KHDC4: variants seen among roughly 807,000 people sequenced by gnomAD.
KHDC4 encodes the protein KH homology domain-containing protein 4.
KHDC4 carries 19 observed loss-of-function variants against 74.5 expected under a neutral mutation model. That is an observed-to-expected ratio of 0.26 (90% CI 0.18 to 0.37). The LOEUF is 0.37. Among genes scored for constraint, KHDC4 ranks in the 10% least tolerant of loss-of-function variants. The pLI is 1.00. For missense variants in KHDC4, 632 were observed against 754.1 expected (o/e 0.84, Z 1.90); for synonymous variants, 253 against 266.1 (o/e 0.95, Z 0.48).
intron 10 of KHDC4, among the ~76,000 whole-genome samples, chr1:155,920,838 C>G (rs1235348456): frequency 6.6e-6 from 1 of 152,132 alleles, no homozygotes; most frequent in African/African-American, 2.4e-5. Flanking sequence ...TAACTCAGTT[C>G]CAATTACTGA....
chr1:155,918,101 C>T (rs1300514165), intron 10 of KHDC4, among the ~76,000 whole-genome samples: 2 of 152,200 alleles, frequency 1.3e-5, no homozygotes, highest in East Asian at 3.9e-4. Flanking sequence ...AAGATTAAGT[C>T]TAATGTTTGA....
Position 155,917,533 on chromosome 1 carries a change from G to A in KHDC4, c.1406C>T (p.Pro469Leu). The A allele has an allele frequency of 6.2e-7, 1 of 1,613,342 alleles. No homozygotes were observed. The highest frequency in any genetic ancestry group is 1.1e-5 in the South Asian group (1 of 91,026). The change falls in exon 11 of 14, where the codon CCA (proline) becomes CTA (leucine). Residue 469 changes from proline to leucine, a missense_variant. Physicochemically the swap from Pro to Leu is moderately conservative, Grantham distance 98. Transcript: ENST00000368321. ...AQKRRFTEEL[P>L]DERESGLLGY... ...AAGCAGTCCAGATTCCCGTTCATCT[G>A]GTAGCTCCTCTGTGAATCGTCTCTT...
intron 8 of KHDC4, among the ~76,000 whole-genome samples, chr1:155,922,584 G>A (rs551451941): frequency 6.6e-6 from 1 of 152,242 alleles, no homozygotes; most frequent in South Asian, 2.1e-4. Flanking sequence ...TAAGTAACTA[G>A]GAAATTTCCA....
intron 7 of KHDC4, among the ~76,000 whole-genome samples, chr1:155,925,426 AG>A (rs1673967988): frequency 6.6e-6 from 1 of 151,934 alleles, no homozygotes; most frequent in Admixed American, 6.6e-5. Context: ...CTTGGCCTCC[AG>A]AAGTGTTGGG....
intron 4 of KHDC4, among the ~76,000 whole-genome samples, chr1:155,927,878 T>G (rs1200199670): frequency 1.1e-5 from 1 of 91,552 alleles, no homozygotes; most frequent in Non-Finnish European, 2.0e-5. Context: ...ACACACAAAA[T>G]TAATGGGGAA....
At chr1:155,927,057 C>A in intron 5 of KHDC4, 47 bp downstream of exon 5, 1 of 1,564,730 alleles carries the variant, frequency 6.4e-7, no homozygotes, top group Non-Finnish European at 8.8e-7. Flanking sequence ...GAGCCCTGTA[C>A]TTTGCTCTTC....
chr1:155,913,151 G>A lies in KHDC4; in HGVS notation c.*970C>T, dbSNP rs1365861469. On this transcript the variant is annotated 3_prime_UTR_variant, in exon 14 of 14. Transcript: ENST00000368321. ...AAGCCAGCCTGCAAAGTATTCAAAT[G>A]TGCAAAAATGACAGTTCAATATCTC... 1 of 152,740 alleles carries A rather than the reference G, an allele frequency of 6.5e-6. No individual in the cohort carries two copies. Among genetic ancestry groups the A allele is most frequent in the Admixed American group, 6.5e-5 (1 of 15,278 alleles). 9.5% of individuals were successfully genotyped at this position (152,740 alleles called of 1,614,324 possible).
Position 155,914,495 on chromosome 1 carries a change from C to T in KHDC4, c.1646-175G>A, listed in dbSNP as rs1673690165. The stretch of plus-strand genomic sequence containing the variant: ...GTTGAAGATCACACGAAAAACAGCA[C>T]CAGCATCAGCAAATGTGAATCCACC... On this transcript the variant is annotated intron_variant, in intron 13 of 13. Coordinates refer to ENST00000368321, the MANE Select transcript of KHDC4 (RefSeq NM_014949.4). 5.1e-6 allele frequency: 3 copies of T among 586,640 alleles called. No homozygotes were observed. The Admixed American group carries it at 9.3e-5, about 18-fold the overall frequency. The allele number at this position is 586,640 out of a possible 1,614,324, so 36.3% of individuals were successfully genotyped here.
chr1:155,934,006 T>C (rs760605266), intron 1 of KHDC4, among the ~76,000 whole-genome samples, 157 bp from the exon 2 acceptor site: 2 of 152,194 alleles, frequency 1.3e-5, no homozygotes, highest in South Asian at 2.1e-4. Flanking sequence ...TAAACAATTA[T>C]TGCTTATTTA....
intron 6 of KHDC4, 54 bp downstream of exon 6, chr1:155,926,622 A>G (rs758271454): frequency 1.5e-5 from 24 of 1,571,922 alleles, no homozygotes; most frequent in African/African-American, 2.7e-5. Context: ...TGGCCAGCAC[A>G]TATCATTTTT....
chr1:155,916,030 T>G (rs1572003740), intron 12 of KHDC4, 66 bp from the exon 13 acceptor site: 2 of 977,990 alleles, frequency 2.0e-6, no homozygotes, highest in South Asian at 2.9e-5. Context: ...TCCAGTGGAT[T>G]AGAAGTGCAA....
At position 155,934,323 on chromosome 1, in the gene KHDC4, C is replaced by A; in HGVS notation, c.38+13G>T. ...CAGTGCTCGCTCCGATGCCCTCGCC[C>A]CTGAAGCCGTACCCGCCAGCTCCAG... On this transcript the variant is annotated intron_variant, in intron 1 of 13. Coordinates refer to ENST00000368321, the MANE Select transcript of KHDC4 (RefSeq NM_014949.4). 1 of 1,608,420 alleles carries A rather than the reference C, an allele frequency of 6.2e-7. No homozygotes were observed.
At chr1:155,924,201 C>T (rs1206967613) in intron 7 of KHDC4, among the ~76,000 whole-genome samples, 2 of 149,214 alleles carry the variant, frequency 1.3e-5, no homozygotes, top group Admixed American at 6.6e-5. Context: ...CCTATAGTCC[C>T]AGCTACTTGG....
chr1:155,933,748 C>T lies in KHDC4; in HGVS notation c.140G>A (p.Gly47Asp). 6.2e-7 allele frequency: 1 copy of T among 1,604,784 alleles called. No individual in the cohort carries two copies. ...EVTSSGGSPG[G>D]TTAAPSGALD... ...GGCTCCTGAAGGAGCAGCTGTGGTG[C>T]CCCCAGGACTTCCCCCACTGCTGGT... Residue 47 changes from glycine to aspartate, a missense_variant, in exon 2 of 14, where the codon GGC becomes GAC. By Grantham distance (94) the Gly-to-Asp change is moderately conservative (BLOSUM62 -1). Coordinates refer to ENST00000368321, the MANE Select transcript of KHDC4 (RefSeq NM_014949.4).
chr1:155,916,633 C>G lies in KHDC4; in HGVS notation c.1545G>C (p.Glu515Asp). The G allele has an allele frequency of 6.2e-7, 1 of 1,607,806 alleles. No homozygotes were observed. The highest frequency in any genetic ancestry group is 8.5e-7 in the Non-Finnish European group (1 of 1,175,474). Residue 515 changes from glutamate (E) to aspartate (D), a missense_variant, in exon 12 of 14, where the codon GAG becomes GAC. By Grantham distance (45) the Glu-to-Asp change is conservative. This residue lies in a region of KHDC4 where 254 missense variants were observed against 267.4 expected (regional missense o/e 0.95). Transcript: ENST00000368321. ...TAATTATTCCAACTTACCTGTCCCT[C>G]TCTCTCTCTTTGCCTGAGGAACTTG... ...KPASSSGKERERDRQLMPPPA... is the reference protein window; with the variant it reads ...KPASSSGKERDRDRQLMPPPA...
chr1:155,926,523 G>C, intron 6 of KHDC4, 153 bp downstream of exon 6: 1 of 757,452 alleles, frequency 1.3e-6, no homozygotes, highest in South Asian at 1.6e-5. Flanking sequence ...TCACCACGTT[G>C]GTCAGGCTGG....
chr1:155,922,808 T>G (rs982669886), intron 8 of KHDC4, among the ~76,000 whole-genome samples: 4 of 151,778 alleles, frequency 2.6e-5, no homozygotes, highest in Non-Finnish European at 5.9e-5. Context: ...TGTACAAAAG[T>G]AAAAAAACAA....
In KHDC4 at chr1:155,927,259, A is replaced by G. The variant is rs913962150; in HGVS notation, c.465-103T>C. The G allele has an allele frequency of 1.1e-5, 10 of 875,864 alleles. No individual in the cohort carries two copies. The East Asian group carries it at 2.2e-4, about 19-fold the overall frequency. 54.3% of individuals were successfully genotyped at this position (875,864 alleles called of 1,614,324 possible). On this transcript the variant is annotated intron_variant, in intron 4 of 13. Coordinates refer to ENST00000368321, the MANE Select transcript of KHDC4 (RefSeq NM_014949.4). ...TTTGTAATGTTTCAAGTTTCCAAAT[A>G]ACCAAAAGGGACTATATACATTAGA...
At position 155,933,681 on chromosome 1, in the gene KHDC4, C is replaced by T. The variant is rs867204342; in HGVS notation, c.207G>A (p.Met69Ile). ...GTTTCAGCTTCCCTTTTGCCATGAG[C>T]ATGGCATTAATCTTGGCAGCCACAG... Reference protein sequence around the residue: ...AAAVAAKINAMLMAKGKLKPT... With the variant: ...AAAVAAKINAILMAKGKLKPT... Residue 69 changes from methionine to isoleucine, a missense_variant, in exon 2 of 14, where the codon ATG becomes ATA. Transcript: ENST00000368321. The T allele has an allele frequency of 3.7e-6, 6 of 1,612,480 alleles. No individual in the cohort carries two copies. The highest frequency in any genetic ancestry group is 5.1e-6 in the Non-Finnish European group (6 of 1,178,806).
Sources: allele counts gnomAD v4.1 joint callset (sites outside exome capture counted in the v4.1 genomes callset), GRCh38; gene constraint gnomAD v4.1.1; regional missense constraint gnomAD v4.1.1; transcripts MANE v1.5; gene names NCBI Gene and HGNC (gene_info 2026-07-23, HGNC 2026-07-21).